CSMD3: variants seen among roughly 807,000 people sequenced by gnomAD.
The protein encoded by CSMD3 is CUB and Sushi multiple domains 3, also known as CUB and sushi domain-containing protein 3.
CSMD3 carries 177 observed loss-of-function variants against 435.2 expected under a neutral mutation model. That is an observed-to-expected ratio of 0.41 (90% CI 0.36 to 0.46). The LOEUF (loss-of-function observed/expected upper bound fraction) is 0.46, where lower values mean the gene tolerates loss of function less well. CSMD3 is among the 20% of genes least tolerant of loss of function. The pLI is 0.34. For synonymous variants in CSMD3, 1,656 were observed against 1,520.5 expected, an observed-to-expected ratio of 1.09 and a Z score of -2.07; for missense variants, 4,265 against 4,504.6, an observed-to-expected ratio of 0.95 and a Z score of 1.52.
chr8:112,423,868 A>T (rs745541344), intron 32 of CSMD3, among the ~76,000 whole-genome samples: 1 of 152,136 alleles, frequency 6.6e-6, no homozygotes, highest in Non-Finnish European at 1.5e-5. Context: ...ATATATACAT[A>T]TGTAAGTATT....
intron 4 of CSMD3, among the ~76,000 whole-genome samples, chr8:113,111,096 G>T (rs573002826): frequency 7.2e-5 from 11 of 152,130 alleles, no homozygotes; most frequent in Non-Finnish European, 1.0e-4. Context: ...TTCAATGTAT[G>T]AATTTTGGGG....
chr8:112,468,213 T>A (rs560546890), intron 32 of CSMD3, among the ~76,000 whole-genome samples: 1 of 151,200 alleles, frequency 6.6e-6, no homozygotes, highest in South Asian at 2.1e-4. Flanking sequence ...TAAAATTTCA[T>A]CTCCTCCAAT....
chr8:112,506,512 C>T (rs1433974661), intron 29 of CSMD3, among the ~76,000 whole-genome samples, 179 bp downstream of exon 29: 2 of 152,082 alleles, frequency 1.3e-5, no homozygotes, highest in Non-Finnish European at 2.9e-5. Context: ...AAATAAATAA[C>T]TTGCCCAAGG....
At chr8:112,940,132 ATGGT>A (rs1241221730) in intron 9 of CSMD3, among the ~76,000 whole-genome samples, 1 of 151,964 alleles carries the variant, frequency 6.6e-6, no homozygotes, top group Non-Finnish European at 1.5e-5. Flanking sequence ...ATTCAAAAGT[ATGGT>A]TGATTTACAT....
rs942663719 is a variant in CSMD3, at chr8:113,066,919, G to A, written c.917+31837C>T. On this transcript the variant is annotated intron_variant, in intron 5 of 70. Transcript: ENST00000297405. ...TAATACATTAGATCAGGAGTAGGGTGGGAATGATGCCATTTTGTTTATTTC... is the reference window on the plus strand; with the variant it reads ...TAATACATTAGATCAGGAGTAGGGTAGGAATGATGCCATTTTGTTTATTTC... Among the ~76,000 whole-genome samples, 5 of 152,022 alleles carry A rather than the reference G, an allele frequency of 3.3e-5. No individual in the cohort carries two copies. In the East Asian group the frequency reaches 7.7e-4, roughly 24 times the overall value.
chr8:112,488,380 C>G (rs962156403), intron 31 of CSMD3, among the ~76,000 whole-genome samples: 1 of 152,086 alleles, frequency 6.6e-6, no homozygotes, highest in African/African-American at 2.4e-5. Context: ...TAGGGTGCGA[C>G]TAAGGCAACA....
At chr8:112,670,929 C>T (rs1277054080) in intron 16 of CSMD3, among the ~76,000 whole-genome samples, 1 of 151,996 alleles carries the variant, frequency 6.6e-6, no homozygotes, top group Non-Finnish European at 1.5e-5. Context: ...ATTGAATATG[C>T]AACCCTTTGA....
At chr8:112,824,350 G>A (rs1025620766) in intron 12 of CSMD3, among the ~76,000 whole-genome samples, 8 of 152,094 alleles carry the variant, frequency 5.3e-5, no homozygotes, top group Non-Finnish European at 7.4e-5. Context: ...TCATCATGAC[G>A]CTATCTGGTT....
chr8:112,410,145 G>A (rs1324221041), intron 32 of CSMD3, among the ~76,000 whole-genome samples: 1 of 151,718 alleles, frequency 6.6e-6, no homozygotes, highest in Non-Finnish European at 1.5e-5. Flanking sequence ...TATGAATTCA[G>A]GTATACACAT....
At chr8:112,967,966 T>C (rs1324193692) in intron 7 of CSMD3, among the ~76,000 whole-genome samples, 1 of 151,598 alleles carries the variant, frequency 6.6e-6, no homozygotes, top group Non-Finnish European at 1.5e-5. Flanking sequence ...TAGAATGTGG[T>C]AGTGAAGAGA....
At chr8:113,394,389 A>G (rs986921493) in intron 1 of CSMD3, among the ~76,000 whole-genome samples, 2 of 152,148 alleles carry the variant, frequency 1.3e-5, no homozygotes, top group African/African-American at 4.8e-5. Flanking sequence ...TTAACTTTCT[A>G]TACCTTAGAA....
chr8:112,750,199 C>T (rs2077535387), intron 13 of CSMD3, among the ~76,000 whole-genome samples: 1 of 151,690 alleles, frequency 6.6e-6, no homozygotes, highest in Non-Finnish European at 1.5e-5. Flanking sequence ...AGTAATTGTT[C>T]AGTAAACTTT....
At chr8:113,291,320 G>T (rs1436316433) in intron 2 of CSMD3, among the ~76,000 whole-genome samples, 1 of 151,680 alleles carries the variant, frequency 6.6e-6, no homozygotes, top group African/African-American at 2.4e-5. Flanking sequence ...AGAGTGATTA[G>T]ATTAAAGTAA....
chr8:112,963,080 G>A (rs2084290944), intron 7 of CSMD3, among the ~76,000 whole-genome samples: 1 of 151,924 alleles, frequency 6.6e-6, no homozygotes, highest in Non-Finnish European at 1.5e-5. Flanking sequence ...ATGAAGGGAG[G>A]GAGGAAAGTA....
Position 112,690,017 on chromosome 8 carries a change from G to A in CSMD3, c.2006C>T (p.Thr669Ile), listed in dbSNP as rs369800717. 6.2e-7 allele frequency: 1 copy of A among 1,613,162 alleles called. No homozygotes were observed. The highest frequency in any genetic ancestry group is 8.5e-7 in the Non-Finnish European group (1 of 1,179,388). ...IEKESCGDPG[T>I]PLYGIREGDG... ...GCCTTCTCTAATTCCATATAAGGGT[G>A]TACCAGGATCACCACAACTTTCTTT... is the stretch of plus-strand genomic sequence containing the variant. The change falls in exon 14 of 71, where the codon ACA becomes ATA. Residue 669 changes from threonine to isoleucine, a missense_variant. This residue lies in a region of CSMD3 where 279 missense variants were observed against 369.0 expected (regional missense o/e 0.76). Coordinates refer to ENST00000297405, the MANE Select transcript of CSMD3 (RefSeq NM_198123.2).
At chr8:112,470,736 G>A (rs555473246) in intron 32 of CSMD3, among the ~76,000 whole-genome samples, 12 of 152,028 alleles carry the variant, frequency 7.9e-5, no homozygotes, top group African/African-American at 2.9e-4. Flanking sequence ...AAGAGATTAC[G>A]TAACTTGTCC....
At chr8:113,367,627 A>C (rs544778297) in intron 1 of CSMD3, among the ~76,000 whole-genome samples, 6 of 152,242 alleles carry the variant, frequency 3.9e-5, no homozygotes, top group African/African-American at 1.4e-4. Context: ...ACTTCGTTTT[A>C]CACCATACGC....
At chr8:113,028,408 A>C (rs993095287) in intron 5 of CSMD3, among the ~76,000 whole-genome samples, 14 of 151,574 alleles carry the variant, frequency 9.2e-5, no homozygotes, top group African/African-American at 3.4e-4. Context: ...ATGGCCTCTA[A>C]GTGTTCAAGT....
At chr8:112,926,812 T>A (rs1339978962) in intron 9 of CSMD3, among the ~76,000 whole-genome samples, 1 of 152,070 alleles carries the variant, frequency 6.6e-6, no homozygotes, top group Non-Finnish European at 1.5e-5. Context: ...GAGGAATGAA[T>A]CTTGACAGCA....
Sources: allele counts gnomAD v4.1 joint callset (sites outside exome capture counted in the v4.1 genomes callset), GRCh38; gene constraint gnomAD v4.1.1; regional missense constraint gnomAD v4.1.1; transcripts MANE v1.5; gene names NCBI Gene and HGNC (gene_info 2026-07-23, HGNC 2026-07-21).